Variants in UBE2D3 observed in about 807,000 individuals in gnomAD.
UBE2D3 encodes the protein ubiquitin conjugating enzyme E2 D3.
UBE2D3 carries 2 observed loss-of-function variants against 22.8 expected under a neutral mutation model. The ratio of observed to expected loss-of-function variants is 0.09; its 90% CI spans 0.04 to 0.28. UBE2D3 has a LOEUF of 0.28. UBE2D3 is among the 10% of genes least tolerant of loss of function. The probability of loss-of-function intolerance (pLI) is 1.00; values close to 1 mark genes in which losing one functional copy is unlikely to be tolerated. For missense variants in UBE2D3, 27 were observed against 182.5 expected, an observed-to-expected ratio of 0.15 and a Z score of 4.91; for synonymous variants, 56 against 60.4, an observed-to-expected ratio of 0.93 and a Z score of 0.34.
intron 2 of UBE2D3, chr4:102,825,914 T>G: frequency 2.5e-6 from 1 of 394,748 alleles, no homozygotes; most frequent in South Asian, 1.9e-5. Context: ...CCAAACCCAC[T>G]TATTCGGTGT....
intron 1 of UBE2D3, among the ~76,000 whole-genome samples, chr4:102,851,377 G>C (rs1343027819): frequency 6.6e-6 from 1 of 152,236 alleles, no homozygotes; most frequent in Non-Finnish European, 1.5e-5. Flanking sequence ...AAATCTGGGA[G>C]TGAAAGACAG....
At chr4:102,834,924 A>G (rs112191125) in intron 1 of UBE2D3, among the ~76,000 whole-genome samples, 1,809 of 152,070 alleles carry the variant, frequency 0.012, 20 homozygotes, top group African/African-American at 0.036. Flanking sequence ...GACTACAGGC[A>G]TATGCCACTA....
chr4:102,807,419 C>T (rs958281476), intron 4 of UBE2D3, among the ~76,000 whole-genome samples: 7 of 152,276 alleles, frequency 4.6e-5, no homozygotes, highest in Admixed American at 2.6e-4. Context: ...AATACCCGTA[C>T]TTTGGGTGGA....
chr4:102,847,504 C>A (rs1227915565), intron 1 of UBE2D3, among the ~76,000 whole-genome samples: 1 of 152,070 alleles, frequency 6.6e-6, no homozygotes. Context: ...TCAGGCTGGT[C>A]TTGAACTCCT....
intron 6 of UBE2D3, among the ~76,000 whole-genome samples, chr4:102,799,902 T>C (rs223434): frequency 0.57 from 85,884 of 149,500 alleles, 25,956 homozygotes; most frequent in African/African-American, 0.78. Context: ...TTAGGCATGA[T>C]GAAAAATCCA....
intron 1 of UBE2D3, among the ~76,000 whole-genome samples, chr4:102,838,539 A>C (rs368400718): frequency 6.6e-6 from 1 of 152,182 alleles, no homozygotes; most frequent in African/African-American, 2.4e-5. Flanking sequence ...TGAATAATCG[A>C]GGCATCAGTT....
At position 102,803,424 on chromosome 4, in the gene UBE2D3, T is replaced by C. The variant is rs144705324; in HGVS notation, c.121-786A>G. On this transcript the variant is annotated intron_variant, in intron 4 of 7. Coordinates refer to ENST00000453744, the MANE Select transcript of UBE2D3 (RefSeq NM_181891.3). ...TGACTCCCCTCTATTAGAAAGGCTT[T>C]GTATATACAGCTATATATGAGCCTT... Among the ~76,000 whole-genome samples, 47 of 152,346 alleles carry C rather than the reference T, an allele frequency of 3.1e-4. 1 individual carries two copies. In the East Asian group the frequency reaches 9.1e-3, roughly 29 times the overall value.
At chr4:102,799,532 T>C (rs1197275782) in intron 6 of UBE2D3, 32 bp from the exon 7 acceptor site, 1 of 1,545,882 alleles carries the variant, frequency 6.5e-7, no homozygotes, top group East Asian at 2.3e-5. Context: ...TGTTACCCAG[T>C]TTCAGGAGTT....
intron 1 of UBE2D3, among the ~76,000 whole-genome samples, chr4:102,850,580 C>G (rs544398868): frequency 1.3e-5 from 2 of 152,124 alleles, no homozygotes; most frequent in Non-Finnish European, 2.9e-5. Context: ...GGAACTTGGA[C>G]TTTAATCTGT....
chr4:102,827,577 TC>T (rs951365139), upstream of UBE2D3: 2 of 986,382 alleles, frequency 2.0e-6, no homozygotes, highest in East Asian at 2.3e-4. Flanking sequence ...GCTCCGCCCC[TC>T]CCCCTCCTCC....
At chr4:102,835,082 A>G (rs937933714) in intron 1 of UBE2D3, among the ~76,000 whole-genome samples, 28 of 152,316 alleles carry the variant, frequency 1.8e-4, no homozygotes, top group Admixed American at 1.8e-3. Context: ...AGTCTAATGA[A>G]TATAAAATAT....
chr4:102,829,362 C>T (rs561271996), upstream of UBE2D3, among the ~76,000 whole-genome samples: 2 of 152,306 alleles, frequency 1.3e-5, no homozygotes, highest in South Asian at 4.1e-4. Flanking sequence ...TGTGTTCTCT[C>T]TCATAGCTAG....
In UBE2D3 at chr4:102,797,195, T is replaced by G; in HGVS notation, c.*220A>C. The G allele has an allele frequency of 2.4e-6, 1 of 424,938 alleles. No individual in the cohort carries two copies. 26.3% of individuals were successfully genotyped at this position (424,938 alleles called of 1,614,324 possible). A position where few individuals can be genotyped will look rare whatever the true frequency, so the allele number is the denominator to read the frequency against. On this transcript the variant is annotated 3_prime_UTR_variant, in exon 8 of 8. Coordinates refer to ENST00000453744, the MANE Select transcript of UBE2D3 (RefSeq NM_181891.3). ...TGAGTCTTGGGCAACTGTTCTCTTG[T>G]AACTACTTTACAGTTTCTAAAAGCA...
At chr4:102,836,689 C>G (rs775759755) in intron 1 of UBE2D3, among the ~76,000 whole-genome samples, 24 of 152,198 alleles carry the variant, frequency 1.6e-4, no homozygotes, top group Non-Finnish European at 1.3e-4. Context: ...TAGGATTAGT[C>G]TTTTCAATTT....
At chr4:102,864,450 C>A (rs1031727364) in intron 1 of UBE2D3, among the ~76,000 whole-genome samples, 1 of 64,402 alleles carries the variant, frequency 1.6e-5, no homozygotes, top group African/African-American at 9.9e-5. Context: ...TAAAAATGTA[C>A]CAGAATGTGA....
chr4:102,848,920 CCTGTGTGTGTGTGTGT>C (rs1732190513), intron 1 of UBE2D3, among the ~76,000 whole-genome samples: 1 of 96,484 alleles, frequency 1.0e-5, no homozygotes, highest in Non-Finnish European at 2.1e-5. Flanking sequence ...TTTATGTGTG[CCTGTGTGTGTGTGTGT>C]GTGTGTGTGT....
intron 1 of UBE2D3, among the ~76,000 whole-genome samples, chr4:102,842,877 A>AGGT (rs1731835046): frequency 6.6e-6 from 1 of 152,158 alleles, no homozygotes; most frequent in Admixed American, 6.5e-5. Flanking sequence ...CGGGAGGCTG[A>AGGT]GGTGGGTGGA....
At chr4:102,806,526 C>T (rs994377877) in intron 4 of UBE2D3, among the ~76,000 whole-genome samples, 1 of 151,996 alleles carries the variant, frequency 6.6e-6, no homozygotes, top group African/African-American at 2.4e-5. Flanking sequence ...AAAAAATAAT[C>T]CTTATGGACC....
chr4:102,860,844 G>A (rs1218661087), intron 1 of UBE2D3, among the ~76,000 whole-genome samples: 3 of 151,868 alleles, frequency 2.0e-5, no homozygotes, highest in Non-Finnish European at 4.4e-5. Context: ...GGTGCATGGA[G>A]TGCTGGGTGT....
Sources: allele counts gnomAD v4.1 joint callset (sites outside exome capture counted in the v4.1 genomes callset), GRCh38; gene constraint gnomAD v4.1.1; transcripts MANE v1.5; gene names NCBI Gene and HGNC (gene_info 2026-07-23, HGNC 2026-07-21).